RASA3: variants seen among roughly 807,000 people sequenced by gnomAD.
RASA3 encodes the protein RAS p21 protein activator 3, also known as ras GTPase-activating protein 3.
Under a neutral mutation model 110.0 loss-of-function variants are expected in RASA3, and 73 were observed. That is an observed-to-expected ratio of 0.66 (90% CI 0.55 to 0.81). The LOEUF (loss-of-function observed/expected upper bound fraction) is 0.81. Among genes scored for constraint, RASA3 ranks in the 30% least tolerant of loss-of-function variants. The probability of loss-of-function intolerance (pLI) is 0.00; values close to 1 mark genes in which losing one functional copy is unlikely to be tolerated. For missense variants in RASA3, 976 were observed against 1,113.2 expected (o/e 0.88, Z 1.75); for synonymous variants, 500 against 451.4 (o/e 1.11, Z -1.37).
At chr13:114,127,102 G>A (rs756870303) in intron 1 of RASA3, among the ~76,000 whole-genome samples, 5 of 152,182 alleles carry the variant, frequency 3.3e-5, no homozygotes, top group African/African-American at 4.8e-5. Context: ...AAAACATGAC[G>A]CGCCACCTGC....
chr13:114,038,061 T>C (rs1188019189), intron 4 of RASA3, among the ~76,000 whole-genome samples: 2 of 150,410 alleles, frequency 1.3e-5, no homozygotes, highest in Admixed American at 1.3e-4. Flanking sequence ...CTATAACCAT[T>C]TCAAAATTAA....
At chr13:114,030,988 CCTGTGTGTGCGG>C (rs1350764798) in intron 4 of RASA3, among the ~76,000 whole-genome samples, 1 of 144,174 alleles carries the variant, frequency 6.9e-6, no homozygotes. Context: ...TGTGTGTCCG[CCTGTGTGTGCGG>C]CTGTGTGTCT....
At position 114,010,570 on chromosome 13, in the gene RASA3, G is replaced by C. The variant is rs576259547; in HGVS notation, c.1590+601C>G. Among the ~76,000 whole-genome samples the C allele has an allele frequency of 2.0e-5, 3 of 150,118 alleles. No homozygotes were observed. The South Asian group carries it at 6.4e-4, about 32-fold the overall frequency. ...GGAGGTTCATATCCACAGGGAGAGA[G>C]GGGCCCTGGGAGGAGGGGGCCGCGT... On this transcript the variant is annotated intron_variant, in intron 16 of 23. Coordinates refer to ENST00000334062, the MANE Select transcript of RASA3 (RefSeq NM_007368.4).
At chr13:114,102,879 G>A (rs895168101) in intron 1 of RASA3, among the ~76,000 whole-genome samples, 23 of 152,144 alleles carry the variant, frequency 1.5e-4, no homozygotes, top group East Asian at 1.9e-4. Context: ...CGCCGTGGGC[G>A]CAGCCGGCAG....
intron 4 of RASA3, among the ~76,000 whole-genome samples, chr13:114,032,827 C>A: frequency 1.0e-5 from 1 of 99,080 alleles, no homozygotes. Context: ...CCACGCCCCA[C>A]GGCACCCCCA....
chr13:114,054,173 A>G (rs1386821056), intron 2 of RASA3, among the ~76,000 whole-genome samples: 3 of 152,342 alleles, frequency 2.0e-5, no homozygotes, highest in Middle Eastern at 3.4e-3. Context: ...AAGACAGACT[A>G]GAAAAAATAT....
intron 1 of RASA3, among the ~76,000 whole-genome samples, chr13:114,090,219 C>T (rs1486933393): frequency 6.6e-6 from 1 of 152,242 alleles, no homozygotes; most frequent in Non-Finnish European, 1.5e-5. Context: ...ACCCGGCTGC[C>T]TGCCCAGGGC....
rs560739903 is a variant in RASA3, at chr13:113,977,803, G to A, written c.*1544C>T. The A allele has an allele frequency of 3.9e-5, 6 of 152,494 alleles. No individual in the cohort carries two copies. The South Asian group carries it at 1.2e-3, about 32-fold the overall frequency. The allele number at this position is 152,494 out of a possible 1,614,324, so 9.4% of individuals were successfully genotyped here. On this transcript the variant is annotated 3_prime_UTR_variant, in exon 24 of 24. Coordinates refer to ENST00000334062, the MANE Select transcript of RASA3 (RefSeq NM_007368.4). ...AGTCCTCAGAAAGAATAAAACATCT[G>A]TTTTAATTGGCCAGTAAAATACATT...
intron 2 of RASA3, among the ~76,000 whole-genome samples, chr13:114,072,845 G>A (rs1303191969): frequency 6.6e-6 from 1 of 152,164 alleles, no homozygotes; most frequent in Non-Finnish European, 1.5e-5. Flanking sequence ...ATAGGATGGT[G>A]ACGTACACGC....
intron 9 of RASA3, among the ~76,000 whole-genome samples, chr13:114,019,200 A>T (rs1486243464): frequency 1.3e-5 from 2 of 152,172 alleles, no homozygotes; most frequent in Non-Finnish European, 2.9e-5. Context: ...GTTTCCGGGA[A>T]CCGGCACAGA....
chr13:114,078,656 C>T (rs1311235031), intron 1 of RASA3, among the ~76,000 whole-genome samples: 1 of 152,216 alleles, frequency 6.6e-6, no homozygotes, highest in Non-Finnish European at 1.5e-5. Context: ...CACCGCAAAA[C>T]CTGATTTCCA....
chr13:114,013,846 A>ATC (rs541590067), intron 14 of RASA3, among the ~76,000 whole-genome samples: 1 of 57,966 alleles, frequency 1.7e-5, no homozygotes, highest in African/African-American at 8.6e-5. Flanking sequence ...CTCTCTCTCC[A>ATC]TCTCTCTGTC....
At chr13:114,095,491 T>C (rs925661396) in intron 1 of RASA3, among the ~76,000 whole-genome samples, 21 of 152,210 alleles carry the variant, frequency 1.4e-4, no homozygotes, top group Admixed American at 1.3e-3. Context: ...GAATCACACA[T>C]GTGGCCTCCT....
At chr13:114,109,627 A>G (rs553584444) in intron 1 of RASA3, among the ~76,000 whole-genome samples, 1 of 152,336 alleles carries the variant, frequency 6.6e-6, no homozygotes, top group Admixed American at 6.5e-5. Flanking sequence ...TTAAAGCAAC[A>G]TAAACGTCAA....
intron 18 of RASA3, among the ~76,000 whole-genome samples, chr13:114,004,015 C>T (rs115849356): frequency 1.6e-4 from 25 of 152,110 alleles, no homozygotes; most frequent in African/African-American, 5.5e-4. Context: ...CTTATGGCAC[C>T]GAAGAACAAA....
At chr13:114,010,959 G>T (rs1313808327) in intron 16 of RASA3, among the ~76,000 whole-genome samples, 1 of 151,456 alleles carries the variant, frequency 6.6e-6, no homozygotes, top group South Asian at 2.1e-4. Flanking sequence ...ACAGGCTCCC[G>T]AAAAAGGCAA....
chr13:114,087,477 C>A (rs190426175), intron 1 of RASA3, among the ~76,000 whole-genome samples: 2 of 152,238 alleles, frequency 1.3e-5, no homozygotes, highest in Non-Finnish European at 2.9e-5. Flanking sequence ...TGGAGATGGG[C>A]GCGCTACACG....
chr13:114,110,294 C>G (rs989759032), intron 1 of RASA3, among the ~76,000 whole-genome samples: 1 of 152,200 alleles, frequency 6.6e-6, no homozygotes, highest in East Asian at 1.9e-4. Flanking sequence ...GAGACAGACC[C>G]GGGCCCCTGA....
At chr13:114,030,740 G>A (rs777310937) in intron 4 of RASA3, among the ~76,000 whole-genome samples, 3 of 149,624 alleles carry the variant, frequency 2.0e-5, no homozygotes, top group Non-Finnish European at 3.0e-5. Context: ...GTGTGCGTGC[G>A]GTTTGTGTGT....
Sources: gnomAD v4.1 joint callset for allele counts (sites outside exome capture counted in the v4.1 genomes callset) on GRCh38, gnomAD v4.1.1 for gene constraint, MANE v1.5 for transcripts, NCBI Gene and HGNC (gene_info 2026-07-23, HGNC 2026-07-21) for gene names.